The following AFF3 variants were observed in gnomAD, a reference collection of about 807,000 sequenced individuals.
AFF3 encodes the protein ALF transcription elongation factor 3, also known as AF4/FMR2 family member 3.
A neutral mutation model predicts 129.7 loss-of-function variants in AFF3; 32 were observed. The ratio of observed to expected loss-of-function variants is 0.25; its 90% CI spans 0.19 to 0.33. The LOEUF is 0.33. Among genes scored for constraint, AFF3 ranks in the 10% least tolerant of loss-of-function variants. The probability of loss-of-function intolerance (pLI) is 1.00; values close to 1 mark genes in which losing one functional copy is unlikely to be tolerated. For missense variants in AFF3, 1,373 were observed against 1,592.0 expected (o/e 0.86, Z 2.34); for synonymous variants, 644 against 635.4 (o/e 1.01, Z -0.20).
At chr2:99,789,828 T>C (rs1293876626) in intron 8 of AFF3, among the ~76,000 whole-genome samples, 4 of 152,232 alleles carry the variant, frequency 2.6e-5, no homozygotes, top group African/African-American at 9.6e-5. Context: ...ATCAGTGGCA[T>C]AAGCGCAAGC....
intron 7 of AFF3, among the ~76,000 whole-genome samples, chr2:99,911,618 T>C (rs1173324865): frequency 2.0e-5 from 3 of 152,162 alleles, no homozygotes; most frequent in African/African-American, 7.2e-5. Flanking sequence ...GCAGGTATTA[T>C]GTATTATTTG....
At chr2:99,820,866 ACAT>A (rs1300123028) in intron 8 of AFF3, among the ~76,000 whole-genome samples, 1 of 137,480 alleles carries the variant, frequency 7.3e-6, no homozygotes, top group Non-Finnish European at 1.6e-5. Context: ...CTTCTCCTCC[ACAT>A]CTTTTTTTTT....
At position 99,865,243 on chromosome 2, in the gene AFF3, G is replaced by C. The variant is rs577011101; in HGVS notation, c.874-27719C>G. 3.9e-5 allele frequency among the ~76,000 whole-genome samples: 6 copies of C among 152,346 alleles called. No individual in the cohort carries two copies. In the South Asian group the frequency reaches 1.2e-3, roughly 32 times the overall value. ...GCCATGGCCCAGCCATCAGGTGTGG[G>C]GGAAAGCAACAGTTGGACGATCTTA... is the stretch of plus-strand genomic sequence containing the variant. On this transcript the variant is annotated intron_variant, in intron 7 of 24. Coordinates refer to ENST00000672756, the MANE Select transcript of AFF3 (RefSeq NM_001386135.1).
intron 4 of AFF3, among the ~76,000 whole-genome samples, chr2:100,103,432 T>C (rs1690901825): frequency 6.8e-6 from 1 of 147,856 alleles, no homozygotes; most frequent in African/African-American, 2.5e-5. Context: ...ATATTAAACA[T>C]AACACAAGTT....
chr2:100,008,993 G>A, intron 4 of AFF3, 61 bp from the exon 5 acceptor site: 1 of 1,584,546 alleles, frequency 6.3e-7, no homozygotes. Context: ...AAAGCCCAAT[G>A]TAACACTTGT....
In AFF3 at chr2:99,875,406, TTTTA is replaced by T. The variant is rs1337681468; in HGVS notation, c.874-37886_874-37883del. ...CTGTCACTCTTTATAACCACTTCTA[TTTTA>T]TTTATCTTTCAAATAATATTACCAC... On this transcript the variant is annotated intron_variant, in intron 7 of 24. Transcript: ENST00000672756. Among the ~76,000 whole-genome samples, 4 of 152,368 alleles carry T rather than the reference TTTTA, an allele frequency of 2.6e-5. No homozygotes were observed. The South Asian group carries it at 6.2e-4, about 24-fold the overall frequency.
At chr2:99,923,071 C>A (rs1181594226) in intron 7 of AFF3, among the ~76,000 whole-genome samples, 1 of 152,158 alleles carries the variant, frequency 6.6e-6, no homozygotes, top group East Asian at 1.9e-4. Flanking sequence ...CTGCCCTATA[C>A]CACCTTTGGA....
chr2:100,008,596 C>G (rs577652564), intron 5 of AFF3, among the ~76,000 whole-genome samples: 1 of 152,264 alleles, frequency 6.6e-6, no homozygotes, highest in African/African-American at 2.4e-5. Context: ...ACAAAAGTTG[C>G]ATGTTACTGA....
chr2:99,611,911 TA>T (rs1261979493), intron 13 of AFF3, among the ~76,000 whole-genome samples: 1 of 151,592 alleles, frequency 6.6e-6, no homozygotes, highest in Admixed American at 6.6e-5. Flanking sequence ...TTATTCTTGC[TA>T]GGATATGAAT....
chr2:100,104,859 TC>T, intron 3 of AFF3: 1 of 442,930 alleles, frequency 2.3e-6, no homozygotes, highest in Non-Finnish European at 2.9e-6. Context: ...CTCTTTCTCC[TC>T]CGGGAGGCGC....
intron 7 of AFF3, among the ~76,000 whole-genome samples, chr2:99,916,554 G>A (rs556037992): frequency 1.3e-5 from 2 of 152,250 alleles, no homozygotes; most frequent in South Asian, 4.2e-4. Flanking sequence ...AAGATGGAGA[G>A]AGGCCTAAAA....
At chr2:99,615,670 A>G (rs972692145) in intron 13 of AFF3, among the ~76,000 whole-genome samples, 8 of 152,168 alleles carry the variant, frequency 5.3e-5, no homozygotes, top group African/African-American at 1.9e-4. Context: ...GCCAGGGTGC[A>G]TGGGATGGGA....
intron 4 of AFF3, among the ~76,000 whole-genome samples, chr2:100,035,726 G>C (rs902825592): frequency 1.3e-5 from 2 of 152,172 alleles, no homozygotes; most frequent in African/African-American, 4.8e-5. Context: ...TTTGTTCAAT[G>C]AAAGAACAAG....
intron 24 of AFF3, among the ~76,000 whole-genome samples, chr2:99,553,305 T>C (rs886359363): frequency 6.6e-6 from 1 of 152,212 alleles, no homozygotes; most frequent in Non-Finnish European, 1.5e-5. Context: ...GGACTTTCTC[T>C]GGGCTGCATG....
At position 99,550,359 on chromosome 2, in the gene AFF3, C is replaced by A. The variant is rs1674320745; in HGVS notation, c.*1115G>T. On this transcript the variant is annotated 3_prime_UTR_variant, in exon 25 of 25. Transcript: ENST00000672756. ...AAATCGCCCCCAAATCAAAACGCAT[C>A]AAAGGGCTGCAGGTGCACATTCTGC... 2 of 230,296 alleles carry A rather than the reference C, an allele frequency of 8.7e-6. No individual in the cohort carries two copies. Among genetic ancestry groups the A allele is most frequent in the Admixed American group, 5.6e-5 (1 of 17,702 alleles). The allele number at this position is 230,296 out of a possible 1,614,324, so 14.3% of individuals were successfully genotyped here. A position where few individuals can be genotyped will look rare whatever the true frequency, so the allele number is the denominator to read the frequency against.
intron 11 of AFF3, among the ~76,000 whole-genome samples, chr2:99,686,301 G>C (rs976432401): frequency 6.6e-6 from 1 of 152,180 alleles, no homozygotes; most frequent in African/African-American, 2.4e-5. Flanking sequence ...AAAGTCAACT[G>C]ATTTCAGAGC....
intron 4 of AFF3, among the ~76,000 whole-genome samples, chr2:100,091,227 G>T (rs1221407824): frequency 6.6e-6 from 1 of 151,908 alleles, no homozygotes; most frequent in Non-Finnish European, 1.5e-5. Flanking sequence ...AGGTAATGAA[G>T]ATTAAAAGAG....
intron 7 of AFF3, among the ~76,000 whole-genome samples, chr2:99,981,361 C>T (rs1679386843): frequency 6.6e-6 from 1 of 152,130 alleles, no homozygotes; most frequent in South Asian, 2.1e-4. Flanking sequence ...GAGATTTTTT[C>T]CAATTCCTTG....
chr2:100,108,706 C>A (rs893653854), intron 2 of AFF3, among the ~76,000 whole-genome samples: 1 of 152,048 alleles, frequency 6.6e-6, no homozygotes, highest in African/African-American at 2.4e-5. Flanking sequence ...TTTTAGAAGG[C>A]AACATATTTG....
Sources: allele counts gnomAD v4.1 joint callset (sites outside exome capture counted in the v4.1 genomes callset), GRCh38; gene constraint gnomAD v4.1.1; transcripts MANE v1.5; gene names NCBI Gene and HGNC (gene_info 2026-07-23, HGNC 2026-07-21).